CNTNAP2: variants seen among roughly 807,000 people sequenced by gnomAD.
CNTNAP2 encodes contactin associated protein 2, also known as contactin-associated protein-like 2.
In CNTNAP2, 98 loss-of-function variants were observed where a neutral mutation model predicts 155.2. That is an observed-to-expected ratio of 0.63 (90% CI 0.54 to 0.75). The LOEUF (loss-of-function observed/expected upper bound fraction) is 0.75. Among genes scored for constraint, CNTNAP2 ranks in the 30% least tolerant of loss-of-function variants. The pLI, the probability that CNTNAP2 is intolerant of heterozygous loss-of-function variation, is 0.00. For missense variants in CNTNAP2, 1,727 were observed against 1,688.1 expected (o/e 1.02, Z -0.40); for synonymous variants, 651 against 631.2 (o/e 1.03, Z -0.47).
At position 148,048,993 on chromosome 7, in the gene CNTNAP2, C is replaced by T. The variant is rs150205038; in HGVS notation, c.2384-69125C>T. Among the ~76,000 whole-genome samples the T allele has an allele frequency of 2.9e-4, 44 of 152,266 alleles. No homozygotes were observed. In the East Asian group the frequency reaches 7.3e-3, roughly 25 times the overall value. ...TTGGGAGGCCGAGGCTGGTGGATCA[C>T]CTGAGGTCTGGAGTTTGAGACCAGA... is the stretch of plus-strand genomic sequence containing the variant. On this transcript the variant is annotated intron_variant, in intron 15 of 23. Coordinates refer to ENST00000361727, the MANE Select transcript of CNTNAP2 (RefSeq NM_014141.6).
chr7:147,128,783 G>T lies in CNTNAP2; in HGVS notation c.1030G>T (p.Gly344Cys). Residue 344 changes from glycine to cysteine, a missense_variant, in exon 7 of 24, where the codon GGC becomes TGC. By Grantham distance (159) the Gly-to-Cys change is radical (BLOSUM62 -3). Transcript: ENST00000361727. Reference sequence around the variant, plus strand: ...CTGCATGGAAAGCATCAACTACAATGGCGTCAACATTACTGATCTTGCCAG... The same window carrying T: ...CTGCATGGAAAGCATCAACTACAATTGCGTCAACATTACTGATCTTGCCAG... Reference protein sequence around the residue: ...KGCMESINYNGVNITDLARRK... With the variant: ...KGCMESINYNCVNITDLARRK... The T allele has an allele frequency of 6.2e-7, 1 of 1,614,018 alleles. No homozygotes were observed. Among genetic ancestry groups the T allele is most frequent in the Non-Finnish European group, 8.5e-7 (1 of 1,179,948 alleles).
chr7:147,528,345 G>A (rs1186228967), intron 11 of CNTNAP2, among the ~76,000 whole-genome samples: 1 of 152,158 alleles, frequency 6.6e-6, no homozygotes, highest in East Asian at 1.9e-4. Flanking sequence ...TTCTCTGTGC[G>A]AAGGCCACAT....
chr7:146,848,955 T>G (rs560900002), intron 3 of CNTNAP2, among the ~76,000 whole-genome samples: 2 of 152,092 alleles, frequency 1.3e-5, no homozygotes, highest in South Asian at 2.1e-4. Flanking sequence ...GTATTTTTAG[T>G]AGAGACGTAG....
chr7:147,099,224 C>A (rs80348917), intron 4 of CNTNAP2, among the ~76,000 whole-genome samples: 1,675 of 152,216 alleles, frequency 0.011, 30 homozygotes, highest in African/African-American at 0.038. Flanking sequence ...GATCATGGTC[C>A]AGAAGAGAGA....
intron 20 of CNTNAP2, among the ~76,000 whole-genome samples, chr7:148,263,990 G>T (rs1796622233): frequency 6.6e-6 from 1 of 152,170 alleles, no homozygotes; most frequent in Non-Finnish European, 1.5e-5. Flanking sequence ...TGCCAAACCT[G>T]AGGACGGATT....
intron 11 of CNTNAP2, among the ~76,000 whole-genome samples, chr7:147,543,835 C>T (rs1799681731): frequency 6.6e-6 from 1 of 152,116 alleles, no homozygotes; most frequent in Non-Finnish European, 1.5e-5. Flanking sequence ...AACTCAATTC[C>T]CTCTTTTTAT....
intron 8 of CNTNAP2, among the ~76,000 whole-genome samples, chr7:147,164,516 A>T (rs1802083042): frequency 1.3e-5 from 2 of 152,238 alleles, no homozygotes; most frequent in Admixed American, 6.5e-5. Flanking sequence ...GTACATATTT[A>T]TGGAGTACAC....
intron 1 of CNTNAP2, among the ~76,000 whole-genome samples, chr7:146,306,316 G>T (rs201418092): frequency 2.0e-5 from 3 of 152,002 alleles, no homozygotes; most frequent in Non-Finnish European, 4.4e-5. Context: ...CTACCAGAGG[G>T]ACAAAGAGGA....
At chr7:147,284,145 A>T (rs1805119838) in intron 8 of CNTNAP2, among the ~76,000 whole-genome samples, 1 of 151,774 alleles carries the variant, frequency 6.6e-6, no homozygotes, top group Non-Finnish European at 1.5e-5. Context: ...ATTTATTTTA[A>T]TGTGCCCTAA....
chr7:147,440,827 C>T (rs1797624778), intron 10 of CNTNAP2, among the ~76,000 whole-genome samples: 2 of 152,108 alleles, frequency 1.3e-5, no homozygotes, highest in African/African-American at 4.8e-5. Flanking sequence ...AATGTCTGCT[C>T]TCAAAGGTAT....
chr7:148,114,269 G>A (rs1265176409), intron 15 of CNTNAP2, among the ~76,000 whole-genome samples: 2 of 152,192 alleles, frequency 1.3e-5, no homozygotes, highest in Non-Finnish European at 2.9e-5. Context: ...TTATCAGTAG[G>A]TGCTAAAGCA....
At chr7:148,364,799 T>G (rs954369420) in intron 21 of CNTNAP2, among the ~76,000 whole-genome samples, 9 of 152,196 alleles carry the variant, frequency 5.9e-5, no homozygotes, top group African/African-American at 1.7e-4. Flanking sequence ...CGAGCCAGCA[T>G]TGGCAACCCG....
At chr7:146,184,901 T>C (rs898799901) in intron 1 of CNTNAP2, among the ~76,000 whole-genome samples, 3 of 152,178 alleles carry the variant, frequency 2.0e-5, no homozygotes, top group African/African-American at 7.2e-5. Context: ...AGTGCTACAT[T>C]ATTTTCTATT....
chr7:146,933,371 A>G (rs1423112076), intron 3 of CNTNAP2, among the ~76,000 whole-genome samples: 1 of 151,434 alleles, frequency 6.6e-6, no homozygotes, highest in Non-Finnish European at 1.5e-5. Flanking sequence ...GTGCTGGGAA[A>G]ACTGGCTAGC....
chr7:146,424,395 T>C (rs896759148), intron 1 of CNTNAP2, among the ~76,000 whole-genome samples: 1 of 152,182 alleles, frequency 6.6e-6, no homozygotes, highest in Non-Finnish European at 1.5e-5. Flanking sequence ...AAGCTTCTTC[T>C]ACTGGAGTCA....
At chr7:147,848,771 CAGAG>C (rs779316550) in intron 13 of CNTNAP2, among the ~76,000 whole-genome samples, 1 of 151,102 alleles carries the variant, frequency 6.6e-6, no homozygotes, top group Non-Finnish European at 1.5e-5. Context: ...ATTACAGAAA[CAGAG>C]AGAAAGCTTA....
intron 8 of CNTNAP2, among the ~76,000 whole-genome samples, chr7:147,239,910 T>G (rs1803900566): frequency 6.6e-6 from 1 of 152,174 alleles, no homozygotes; most frequent in Non-Finnish European, 1.5e-5. Flanking sequence ...TATATAATAT[T>G]TTTTATTTCA....
chr7:147,468,539 A>G (rs138313356), intron 10 of CNTNAP2, among the ~76,000 whole-genome samples: 11 of 152,322 alleles, frequency 7.2e-5, no homozygotes, highest in African/African-American at 2.4e-4. Context: ...ATGAAATAGC[A>G]TTCTGATAGA....
chr7:147,459,982 G>T (rs28679305), intron 10 of CNTNAP2, among the ~76,000 whole-genome samples: 3 of 151,818 alleles, frequency 2.0e-5, no homozygotes, highest in African/African-American at 7.3e-5. Flanking sequence ...TCACACACCA[G>T]GGCCTGTCAG....
Sources: gnomAD v4.1 joint callset for allele counts (sites outside exome capture counted in the v4.1 genomes callset) on GRCh38, gnomAD v4.1.1 for gene constraint, MANE v1.5 for transcripts, NCBI Gene and HGNC (gene_info 2026-07-23, HGNC 2026-07-21) for gene names.